The following DLEC1 variants were observed in gnomAD, a reference collection of about 807,000 sequenced individuals.
DLEC1 encodes DLEC1 cilia and flagella associated protein.
DLEC1 carries 146 observed loss-of-function variants against 198.1 expected under a neutral mutation model. That is an observed-to-expected ratio of 0.74 (90% CI 0.64 to 0.85). The LOEUF (loss-of-function observed/expected upper bound fraction) is 0.85. Among genes scored for constraint, DLEC1 ranks in the 40% least tolerant of loss-of-function variants. The pLI, the probability that DLEC1 is intolerant of heterozygous loss-of-function variation, is 0.00. For missense variants in DLEC1, 2,233 were observed against 2,220.0 expected, an observed-to-expected ratio of 1.01 and a Z score of -0.12; for synonymous variants, 897 against 866.8, an observed-to-expected ratio of 1.03 and a Z score of -0.61.
chr3:38,107,201 G>A (rs558243396), intron 19 of DLEC1, among the ~76,000 whole-genome samples: 113 of 152,110 alleles, frequency 7.4e-4, no homozygotes, highest in Non-Finnish European at 1.1e-3. Context: ...CTCTTGTTTA[G>A]CCAGGGTGGG....
chr3:38,084,185 A>C lies in DLEC1; in HGVS notation c.1201A>C (p.Thr401Pro). 6.2e-7 allele frequency: 1 copy of C among 1,613,080 alleles called. No individual in the cohort carries two copies. Residue 401 changes from threonine to proline, a missense_variant, in exon 7 of 37, where the codon ACG becomes CCG. By Grantham distance (38) the Thr-to-Pro change is conservative (BLOSUM62 -1). Coordinates refer to ENST00000308059, the MANE Select transcript of DLEC1 (RefSeq NM_007335.4). The part of the protein sequence containing the change: ...EMVIALQNTT[T>P]TSRYLRVLPP... ...GGTAATTGCGCTGCAGAACACCACC[A>C]CGACCAGCCGCTACCTGCGAGTCCT...
Position 38,050,296 on chromosome 3 carries a change from A to G in DLEC1, c.562+4603A>G, listed in dbSNP as rs935360568. Reference sequence around the variant, plus strand: ...TGTTGCCCAGGCTGAGTTTCCAGATAACGTCTTAAGAAAGCCCTGCTTCAG... The same window carrying G: ...TGTTGCCCAGGCTGAGTTTCCAGATGACGTCTTAAGAAAGCCCTGCTTCAG... On this transcript the variant is annotated intron_variant, in intron 2 of 36. Coordinates refer to ENST00000308059, the MANE Select transcript of DLEC1 (RefSeq NM_007335.4). Among the ~76,000 whole-genome samples, 11 of 152,234 alleles carry G rather than the reference A, an allele frequency of 7.2e-5. No individual in the cohort carries two copies. The South Asian group carries it at 2.3e-3, about 32-fold the overall frequency.
In DLEC1 at chr3:38,112,558, GA is replaced by G. The variant is rs1223611944; in HGVS notation, c.3666+198del. ...GTTCTGGCTGAGGCATTTCAGGCAG[GA>G]GGGGTCCTCATAAGCAGTAGAACTT... On this transcript the variant is annotated intron_variant, in intron 25 of 36. Coordinates refer to ENST00000308059, the MANE Select transcript of DLEC1 (RefSeq NM_007335.4). This position sits in a 1 kb window ranked among gnomAD's most constrained non-coding sequence, Gnocchi z 4.8. Among the ~76,000 whole-genome samples, 1 of 152,232 alleles carries G rather than the reference GA, an allele frequency of 6.6e-6. No individual in the cohort carries two copies. Among genetic ancestry groups the G allele is most frequent in the East Asian group, 1.9e-4 (1 of 5,200 alleles).
chr3:38,115,935 A>C (rs1293095433), intron 27 of DLEC1, among the ~76,000 whole-genome samples: 1 of 152,090 alleles, frequency 6.6e-6, no homozygotes, highest in Non-Finnish European at 1.5e-5. Context: ...AGTGGTACTC[A>C]GAGGGACGGC....
At chr3:38,086,421 C>G in intron 9 of DLEC1, 44 bp downstream of exon 9, 1 of 1,571,262 alleles carries the variant, frequency 6.4e-7, no homozygotes, top group Non-Finnish European at 8.6e-7. Flanking sequence ...ACAAGTCCAT[C>G]AAAGGAAATA....
intron 31 of DLEC1, 59 bp from the exon 32 acceptor site, chr3:38,117,468 G>C (rs757713820): frequency 1.2e-5 from 19 of 1,610,480 alleles, no homozygotes; most frequent in Non-Finnish European, 1.5e-5. Flanking sequence ...GAGCAGAGTG[G>C]GGGCAGCCAG....
chr3:38,096,758 T>C (rs1699043842), intron 15 of DLEC1, 21 bp downstream of exon 15: 7 of 1,586,470 alleles, frequency 4.4e-6, no homozygotes, highest in Non-Finnish European at 6.0e-6. Flanking sequence ...GTCTCTCCCC[T>C]GCCTAGGCTG....
chr3:38,115,263 T>A lies in DLEC1; in HGVS notation c.3856+210T>A, dbSNP rs557095929. Among the ~76,000 whole-genome samples the A allele has an allele frequency of 1.8e-4, 27 of 152,272 alleles. No individual in the cohort carries two copies. The South Asian group carries it at 3.7e-3, about 21-fold the overall frequency. The stretch of plus-strand genomic sequence containing the variant: ...TGGAGGAACAGACAATAAGAGGGGA[T>A]CCCTTTCTCATTCCTCCAGCCGGCA... On this transcript the variant is annotated intron_variant, in intron 27 of 36. Coordinates refer to ENST00000308059, the MANE Select transcript of DLEC1 (RefSeq NM_007335.4).
rs1040838311 is a variant in DLEC1, at chr3:38,100,358, T to A, written c.2797T>A (p.Leu933Met). 5 of 1,613,906 alleles carry A rather than the reference T, an allele frequency of 3.1e-6. No homozygotes were observed. The highest frequency in any genetic ancestry group is 3.4e-6 in the Non-Finnish European group (4 of 1,179,992). ...SLGECRVDIT[L>M]EALHCQHLET... ...GGGGGAGTGCAGGGTGGACATCACC[T>A]TGGAGGCCCTGCACTGCCAGCATCT... Residue 933 changes from leucine to methionine, a missense_variant, in exon 19 of 37, where the codon TTG becomes ATG. By Grantham distance (15) the Leu-to-Met change is conservative. Transcript: ENST00000308059.
chr3:38,081,638 C>T (rs1480731674), intron 6 of DLEC1, among the ~76,000 whole-genome samples: 2 of 97,882 alleles, frequency 2.0e-5, no homozygotes, highest in Admixed American at 9.7e-5. Context: ...ACCTCCCTCC[C>T]GGACGGGGCG....
intron 5 of DLEC1, among the ~76,000 whole-genome samples, chr3:38,063,450 T>TGA (rs1398972747): frequency 6.6e-6 from 1 of 151,080 alleles, no homozygotes; most frequent in East Asian, 1.9e-4. Context: ...GGTGACAGAG[T>TGA]GAGACCCTGT....
intron 3 of DLEC1, among the ~76,000 whole-genome samples, chr3:38,060,974 C>T (rs558760184): frequency 6.6e-5 from 10 of 151,866 alleles, no homozygotes; most frequent in Non-Finnish European, 1.2e-4. Context: ...CATGAGCCAC[C>T]GCACCCGGCC....
At position 38,086,180 on chromosome 3, in the gene DLEC1, CAGT is replaced by C. The variant is rs1485411248; in HGVS notation, c.1436-58_1436-56del. 8.9e-5 allele frequency: 138 copies of C among 1,550,240 alleles called. No individual in the cohort carries two copies. The East Asian group carries it at 3.1e-3, about 35-fold the overall frequency. On this transcript the variant is annotated intron_variant, in intron 8 of 36. Coordinates refer to ENST00000308059, the MANE Select transcript of DLEC1 (RefSeq NM_007335.4). ...TGGCTGTACCTCAGGAGAAGCATGA[CAGT>C]AGGGCCTATTAAGAGTGACCTGTTG...
At chr3:38,050,519 C>T (rs1343205306) in intron 2 of DLEC1, among the ~76,000 whole-genome samples, 4 of 151,826 alleles carry the variant, frequency 2.6e-5, no homozygotes, top group African/African-American at 9.7e-5. Flanking sequence ...ACGCAGATAT[C>T]ACATGGCGAG....
intron 18 of DLEC1, among the ~76,000 whole-genome samples, chr3:38,099,097 A>G (rs1330303171): frequency 6.6e-6 from 1 of 152,160 alleles, no homozygotes; most frequent in African/African-American, 2.4e-5. Flanking sequence ...CCCAGAACAT[A>G]GAATAAACTG....
At chr3:38,043,903 G>T (rs1045052855) in intron 1 of DLEC1, among the ~76,000 whole-genome samples, 1 of 151,870 alleles carries the variant, frequency 6.6e-6, no homozygotes, top group South Asian at 2.1e-4. Context: ...AAATCTTTGC[G>T]ATCCCACCAA....
At chr3:38,068,636 C>A (rs1697158035) in intron 6 of DLEC1, among the ~76,000 whole-genome samples, 1 of 152,024 alleles carries the variant, frequency 6.6e-6, no homozygotes, top group Non-Finnish European at 1.5e-5. Flanking sequence ...GGCAACTAGC[C>A]CAGATTAGAA....
In DLEC1 at chr3:38,062,271, A is replaced by C. The variant is rs765759075; in HGVS notation, c.776A>C (p.Lys259Thr). ...AAGCTTGAAGATTCATGCAGGAAGA[A>C]GCTTGCTGAGTTCGAAGATGAGTTA... The part of the protein sequence containing the change: ...NKKLEDSCRK[K>T]LAEFEDELDH... Residue 259 changes from lysine to threonine, a missense_variant, in exon 4 of 37, where the codon AAG (lysine) becomes ACG (threonine). By Grantham distance (78) the Lys-to-Thr change is moderately conservative. Transcript: ENST00000308059. The C allele has an allele frequency of 6.2e-7, 1 of 1,614,242 alleles. No homozygotes were observed. The highest frequency in any genetic ancestry group is 8.5e-7 in the Non-Finnish European group (1 of 1,180,044).
At chr3:38,064,864 C>T (rs1325702587) in intron 6 of DLEC1, among the ~76,000 whole-genome samples, 11 of 146,900 alleles carry the variant, frequency 7.5e-5, no homozygotes, top group South Asian at 2.2e-4. Context: ...ACTGGGCGGC[C>T]GGGCAGAGGG....
Sources: allele counts gnomAD v4.1 joint callset (sites outside exome capture counted in the v4.1 genomes callset), GRCh38; gene constraint gnomAD v4.1.1; non-coding constraint Gnocchi (gnomAD v3.1); transcripts MANE v1.5; gene names NCBI Gene and HGNC (gene_info 2026-07-23, HGNC 2026-07-21).